Variants in SV2C observed in about 807,000 individuals in gnomAD.
SV2C encodes solute carrier family 22 member B3.
A neutral mutation model predicts 79.7 loss-of-function variants in SV2C; 49 were observed. The observed-to-expected ratio is 0.61, with a 90% confidence interval of 0.49 to 0.78. SV2C has a LOEUF of 0.78. SV2C is among the 30% of genes least tolerant of loss of function. The probability of loss-of-function intolerance (pLI) is 0.00; values close to 1 mark genes in which losing one functional copy is unlikely to be tolerated. For missense variants in SV2C, 833 were observed against 912.9 expected (o/e 0.91, Z 1.13); for synonymous variants, 334 against 333.2 (o/e 1.00, Z -0.03).
intron 3 of SV2C, among the ~76,000 whole-genome samples, chr5:76,205,679 C>T (rs1450567407): frequency 6.6e-6 from 1 of 152,086 alleles, no homozygotes; most frequent in Non-Finnish European, 1.5e-5. Context: ...GATGTGTTGC[C>T]CATCAGTTAA....
the SV2C span, among the ~76,000 whole-genome samples, chr5:75,881,133 C>T: frequency 1.3e-5 from 2 of 152,244 alleles, no homozygotes; most frequent in East Asian, 1.9e-4. Flanking sequence ...AGGAATCTGC[C>T]CCCATGATCC....
chr5:75,980,496 C>T, the SV2C span, among the ~76,000 whole-genome samples: 21 of 152,100 alleles, frequency 1.4e-4, no homozygotes, highest in Non-Finnish European at 2.9e-4. Flanking sequence ...TCGAACAGCA[C>T]ATCAAAAAGT....
At chr5:76,240,249 G>A (rs1745743146) in intron 4 of SV2C, among the ~76,000 whole-genome samples, 1 of 152,188 alleles carries the variant, frequency 6.6e-6, no homozygotes, top group African/African-American at 2.4e-5. Flanking sequence ...TACCCCAAAT[G>A]TGGCAAGTAA....
intron 2 of SV2C, chr5:76,173,696 C>T (rs373807968): frequency 2.5e-5 from 41 of 1,613,690 alleles, no homozygotes; most frequent in South Asian, 1.8e-4. Context: ...GTTAATTTGC[C>T]GCACTAGGTC....
intron 12 of SV2C, among the ~76,000 whole-genome samples, chr5:76,315,389 T>C (rs1417831003): frequency 1.3e-5 from 2 of 152,188 alleles, no homozygotes; most frequent in Non-Finnish European, 2.9e-5. Flanking sequence ...TCCATTAAAA[T>C]GTCTATTACA....
At chr5:76,275,739 T>G (rs2937749) in intron 4 of SV2C, among the ~76,000 whole-genome samples, 10,590 of 152,280 alleles carry the variant, frequency 0.07, 506 homozygotes, top group Admixed American at 0.14. Context: ...TTATTATTCA[T>G]GACATATAAT....
the SV2C span, among the ~76,000 whole-genome samples, chr5:75,948,670 C>A: frequency 2.6e-5 from 4 of 151,738 alleles, no homozygotes; most frequent in Non-Finnish European, 4.4e-5. Context: ...GGGAAGTGAG[C>A]CATGCAAATA....
At chr5:76,085,826 T>TACACACACACAC (rs34074817) in intron 1 of SV2C, among the ~76,000 whole-genome samples, 3,566 of 141,914 alleles carry the variant, frequency 0.025, 123 homozygotes, top group East Asian at 0.17. Context: ...ACAAAGCCCC[T>TACACACACACAC]ACACACACAC....
At chr5:76,182,085 T>C (rs934263152) in intron 2 of SV2C, among the ~76,000 whole-genome samples, 3 of 152,076 alleles carry the variant, frequency 2.0e-5, no homozygotes, top group Non-Finnish European at 4.4e-5. Context: ...ATTGTTCATA[T>C]TCTCCTTGGT....
chr5:75,949,381 A>G, the SV2C span, among the ~76,000 whole-genome samples: 3,532 of 139,864 alleles, frequency 0.025, 98 homozygotes, highest in African/African-American at 0.066. Context: ...TCAAGCTGTT[A>G]TATTAACAGT....
At chr5:75,932,072 A>T in the SV2C span, among the ~76,000 whole-genome samples, 1 of 152,176 alleles carries the variant, frequency 6.6e-6, no homozygotes, top group Non-Finnish European at 1.5e-5. Context: ...AATAAATCCC[A>T]ACCATCTCAG....
the SV2C span, among the ~76,000 whole-genome samples, chr5:75,906,094 A>G: frequency 6.6e-6 from 1 of 152,044 alleles, no homozygotes; most frequent in South Asian, 2.1e-4. Flanking sequence ...GGTAACTACC[A>G]GAAGCTAGGA....
At chr5:76,342,771 G>A (rs750848727) in intron 12 of SV2C, among the ~76,000 whole-genome samples, 3 of 152,178 alleles carry the variant, frequency 2.0e-5, no homozygotes, top group Admixed American at 6.5e-5. Flanking sequence ...TGTTTGAAAG[G>A]ATTGAATAAT....
At chr5:76,078,483 T>C (rs1746922046), upstream of SV2C, among the ~76,000 whole-genome samples, 1 of 152,022 alleles carries the variant, frequency 6.6e-6, no homozygotes, top group South Asian at 2.1e-4. Flanking sequence ...CACTTGAGAT[T>C]TTGGGGCTTC....
In SV2C at chr5:76,253,727, T is replaced by A. The variant is rs957361168; in HGVS notation, c.914-31435T>A. 1.1e-4 allele frequency among the ~76,000 whole-genome samples: 13 copies of A among 123,030 alleles called. 1 individual carries two copies. The South Asian group carries it at 2.0e-3, about 19-fold the overall frequency. 80.7% of individuals were successfully genotyped at this position (123,030 alleles called of 152,430 possible). A position where few individuals can be genotyped will look rare whatever the true frequency, so the allele number is the denominator to read the frequency against. ...CCTAAGGAAAAAAAAAAAAAAAAAA[T>A]CTCACCTTTCCTTACTACGAAGATT... On this transcript the variant is annotated intron_variant, in intron 4 of 12. Coordinates refer to ENST00000502798, the MANE Select transcript of SV2C (RefSeq NM_014979.4).
At chr5:76,317,032 T>C (rs930205890) in intron 12 of SV2C, among the ~76,000 whole-genome samples, 7 of 149,874 alleles carry the variant, frequency 4.7e-5, no homozygotes, top group African/African-American at 1.7e-4. Flanking sequence ...AATGATTATA[T>C]GAATATGAAA....
the SV2C span, among the ~76,000 whole-genome samples, chr5:76,050,999 T>G: frequency 6.6e-6 from 1 of 152,180 alleles, no homozygotes; most frequent in Admixed American, 6.5e-5. Context: ...ATTTAAAATG[T>G]TTGTAGTTTT....
chr5:76,285,296 G>A lies in SV2C; in HGVS notation c.1047+1G>A. On this transcript the variant is annotated splice_donor_variant, in intron 5 of 12. Transcript: ENST00000502798. LOFTEE classifies it high-confidence loss of function. ...TGAAAGCCCACGATTCTTGTTGGAG[G>A]TAACACTTATTATTGCAGATACTCA... 6.2e-7 allele frequency: 1 copy of A among 1,613,978 alleles called. No individual in the cohort carries two copies.
intron 2 of SV2C, among the ~76,000 whole-genome samples, chr5:76,180,178 G>A (rs1743676292): frequency 6.6e-6 from 1 of 152,088 alleles, no homozygotes; most frequent in African/African-American, 2.4e-5. Flanking sequence ...GATTTAATAT[G>A]AACATAGATC....
Sources: gnomAD v4.1 joint callset for allele counts (sites outside exome capture counted in the v4.1 genomes callset) on GRCh38, gnomAD v4.1.1 for gene constraint, MANE v1.5 for transcripts, NCBI Gene and HGNC (gene_info 2026-07-23, HGNC 2026-07-21) for gene names.